FAR1: variants seen among roughly 807,000 people sequenced by gnomAD.
The protein encoded by FAR1 is fatty acyl-CoA reductase 1, also known as male sterility domain-containing protein 2.
Under a neutral mutation model 61.1 loss-of-function variants are expected in FAR1, and 22 were observed. The ratio of observed to expected loss-of-function variants is 0.36; its 90% CI spans 0.26 to 0.51. The LOEUF is 0.51. Among genes scored for constraint, FAR1 ranks in the 20% least tolerant of loss-of-function variants. The probability of loss-of-function intolerance (pLI) is 0.95; values close to 1 mark genes in which losing one functional copy is unlikely to be tolerated. For missense variants in FAR1, 359 were observed against 626.9 expected (o/e 0.57, Z 4.56); for synonymous variants, 206 against 209.7 (o/e 0.98, Z 0.15).
chr11:13,673,546 A>G (rs1176956075), intron 1 of FAR1, among the ~76,000 whole-genome samples: 1 of 152,208 alleles, frequency 6.6e-6, no homozygotes, highest in Non-Finnish European at 1.5e-5. Context: ...GGACTGATTT[A>G]TACCTTCAAC....
intron 1 of FAR1, among the ~76,000 whole-genome samples, chr11:13,683,151 G>A (rs1161643655): frequency 6.6e-6 from 1 of 152,150 alleles, no homozygotes; most frequent in Non-Finnish European, 1.5e-5. Flanking sequence ...CCAGCACTTT[G>A]GGAGGCTGAG....
At chr11:13,700,554 A>G (rs1021840459) in intron 3 of FAR1, 62 bp downstream of exon 3, 11 of 1,086,652 alleles carry the variant, frequency 1.0e-5, no homozygotes, top group Non-Finnish European at 1.4e-5. Context: ...ATCTCATTTT[A>G]ATTCTACTTT....
intron 1 of FAR1, among the ~76,000 whole-genome samples, chr11:13,682,258 G>A (rs772053036): frequency 2.6e-5 from 4 of 152,164 alleles, no homozygotes; most frequent in Non-Finnish European, 4.4e-5. Context: ...TGAAATCATA[G>A]ACAACGAATA....
At chr11:13,704,900 G>A (rs1848416970) in intron 3 of FAR1, among the ~76,000 whole-genome samples, 1 of 152,108 alleles carries the variant, frequency 6.6e-6, no homozygotes, top group African/African-American at 2.4e-5. Flanking sequence ...ATGAGGTCCA[G>A]GAGTCTGCAT....
chr11:13,695,459 A>T (rs1202533831), intron 2 of FAR1, among the ~76,000 whole-genome samples: 1 of 152,174 alleles, frequency 6.6e-6, no homozygotes, highest in East Asian at 1.9e-4. Flanking sequence ...GCCTTTGGAA[A>T]AATATTACTA....
chr11:13,670,604 A>G (rs188357825), intron 1 of FAR1, among the ~76,000 whole-genome samples: 41 of 152,256 alleles, frequency 2.7e-4, no homozygotes, highest in African/African-American at 8.9e-4. Context: ...ATTATTCCAT[A>G]AATTTATCCA....
intron 1 of FAR1, among the ~76,000 whole-genome samples, chr11:13,691,970 C>T (rs1205220401): frequency 2.6e-5 from 4 of 152,098 alleles, no homozygotes. Context: ...GAGTTCAAGA[C>T]CAGCCTGGCC....
intron 1 of FAR1, among the ~76,000 whole-genome samples, chr11:13,693,899 T>A (rs1848281982): frequency 1.3e-5 from 2 of 152,188 alleles, no homozygotes; most frequent in Non-Finnish European, 2.9e-5. Context: ...ATCACATGTA[T>A]CTACTCCCCA....
intron 1 of FAR1, among the ~76,000 whole-genome samples, chr11:13,693,012 C>G (rs1848267156): frequency 6.6e-6 from 1 of 152,026 alleles, no homozygotes; most frequent in Admixed American, 6.5e-5. Context: ...GTGGCTTCCT[C>G]TAGTTTTTTG....
chr11:13,702,657 CAAAAG>C (rs904414136), intron 3 of FAR1, among the ~76,000 whole-genome samples: 17 of 151,978 alleles, frequency 1.1e-4, no homozygotes, highest in Non-Finnish European at 2.4e-4. Flanking sequence ...CCTTCATAGA[CAAAAG>C]AAAGAGTTCA....
chr11:13,687,631 GT>G (rs1848201908), intron 1 of FAR1, among the ~76,000 whole-genome samples: 2 of 152,176 alleles, frequency 1.3e-5, no homozygotes, highest in African/African-American at 4.8e-5. Flanking sequence ...TTGCCAATAA[GT>G]TTGTAGGGTG....
At chr11:13,670,751 G>A (rs1847991832) in intron 1 of FAR1, among the ~76,000 whole-genome samples, 1 of 148,170 alleles carries the variant, frequency 6.7e-6, no homozygotes, top group Non-Finnish European at 1.5e-5. Flanking sequence ...GACATGGTAT[G>A]TATGCATCAC....
intron 10 of FAR1, among the ~76,000 whole-genome samples, chr11:13,723,788 C>T (rs1398854168): frequency 2.6e-5 from 4 of 152,154 alleles, no homozygotes; most frequent in Non-Finnish European, 5.9e-5. Context: ...GATTCTGTGA[C>T]AGTCTGCCAG....
At chr11:13,727,433 T>C (rs899391395) in intron 10 of FAR1, 123 bp from the exon 11 acceptor site, 2 of 770,190 alleles carry the variant, frequency 2.6e-6, no homozygotes, top group Admixed American at 6.3e-5. Flanking sequence ...AGAAGTTAAT[T>C]CTGTATTTAA....
intron 11 of FAR1, 43 bp downstream of exon 11, chr11:13,727,726 T>C (rs1269728723): frequency 2.6e-6 from 4 of 1,545,164 alleles, no homozygotes; most frequent in African/African-American, 2.8e-5. Flanking sequence ...GTCTTCCTTA[T>C]GAAATATTCC....
At chr11:13,723,752 T>C (rs967117545) in intron 10 of FAR1, among the ~76,000 whole-genome samples, 9 of 152,196 alleles carry the variant, frequency 5.9e-5, no homozygotes, top group Non-Finnish European at 1.0e-4. Context: ...TCTCAGTGTT[T>C]CTGGGCTAAA....
intron 9 of FAR1, among the ~76,000 whole-genome samples, chr11:13,718,771 A>G (rs1188019321): frequency 6.6e-6 from 1 of 152,120 alleles, no homozygotes; most frequent in Non-Finnish European, 1.5e-5. Flanking sequence ...GGATCTTTCA[A>G]ATGATTGTAG....
chr11:13,685,806 G>A (rs769733656), intron 1 of FAR1: 7 of 152,304 alleles, frequency 4.6e-5, no homozygotes, highest in African/African-American at 1.7e-4. Context: ...TTCTCAGCAA[G>A]AGGTTGTCTT....
Position 13,732,148 on chromosome 11 carries a change from TC to T in FAR1, c.*3375del, listed in dbSNP as rs2134206634. On this transcript the variant is annotated 3_prime_UTR_variant, in exon 12 of 12. Transcript: ENST00000354817. ...GATAAAAAAAAAAAATGAAATATTT[TC>T]TTATTGAATTAATATTTTTGTCTTG... 6.6e-6 allele frequency: 1 copy of T among 152,298 alleles called. No individual in the cohort carries two copies. The highest frequency in any genetic ancestry group is 2.4e-5 in the African/African-American group (1 of 41,576). 9.4% of individuals were successfully genotyped at this position (152,298 alleles called of 1,614,324 possible). A position where few individuals can be genotyped will look rare whatever the true frequency, so the allele number is the denominator to read the frequency against.
Sources: gnomAD v4.1 joint callset for allele counts (sites outside exome capture counted in the v4.1 genomes callset) on GRCh38, gnomAD v4.1.1 for gene constraint, MANE v1.5 for transcripts, NCBI Gene and HGNC (gene_info 2026-07-23, HGNC 2026-07-21) for gene names.